The following PDE2A variants were observed in gnomAD, a reference collection of about 807,000 sequenced individuals.
The protein encoded by PDE2A is cGMP-dependent 3',5'-cyclic phosphodiesterase.
PDE2A carries 53 observed loss-of-function variants against 133.6 expected under a neutral mutation model. The observed-to-expected ratio is 0.40, with a 90% CI of 0.32 to 0.50. The LOEUF is 0.50. PDE2A is among the 20% of genes least tolerant of loss of function. The pLI, the probability that PDE2A is intolerant of heterozygous loss-of-function variation, is 0.73. For synonymous variants in PDE2A, 491 were observed against 490.2 expected, an observed-to-expected ratio of 1.00 and a Z score of -0.02; for missense variants, 796 against 1,232.4, an observed-to-expected ratio of 0.65 and a Z score of 5.30.
chr11:72,614,213 T>C (rs1857352923), intron 2 of PDE2A, among the ~76,000 whole-genome samples: 1 of 152,180 alleles, frequency 6.6e-6, no homozygotes, highest in Non-Finnish European at 1.5e-5. Context: ...TCAAAGACAC[T>C]GGTGCCTTGG....
At chr11:72,608,294 A>C (rs142702410) in intron 3 of PDE2A, among the ~76,000 whole-genome samples, 290 of 152,270 alleles carry the variant, frequency 1.9e-3, no homozygotes, top group African/African-American at 6.5e-3. Context: ...GTTCTTCTAC[A>C]TGTCTACCCT....
At chr11:72,629,261 C>T (rs1217269636) in intron 2 of PDE2A, among the ~76,000 whole-genome samples, 2 of 151,372 alleles carry the variant, frequency 1.3e-5, no homozygotes, top group African/African-American at 4.9e-5. Flanking sequence ...CTGCAGAGGG[C>T]AGGCAGATGG....
At chr11:72,582,943 A>G (rs1339443494) in intron 20 of PDE2A, among the ~76,000 whole-genome samples, 1 of 152,196 alleles carries the variant, frequency 6.6e-6, no homozygotes, top group African/African-American at 2.4e-5. Flanking sequence ...CCAACTCACA[A>G]GGTCTGGGCC....
intron 2 of PDE2A, among the ~76,000 whole-genome samples, chr11:72,636,995 G>A (rs56133505): frequency 0.4 from 60,349 of 152,014 alleles, 13,923 homozygotes; most frequent in Middle Eastern, 0.6. Context: ...CCAGCCGGCT[G>A]GCACCCAGGG....
chr11:72,610,115 C>G (rs562805206), intron 2 of PDE2A, among the ~76,000 whole-genome samples: 2 of 152,266 alleles, frequency 1.3e-5, no homozygotes, highest in East Asian at 3.9e-4. Flanking sequence ...GTGACTAAGA[C>G]TGGATAACCC....
In PDE2A at chr11:72,590,470, C is replaced by T. The variant is rs752700975; in HGVS notation, c.660G>A (p.Gly220=). ...PEGTAEDQKG[G]AAYTDRDRKI... is the part of the protein sequence containing the mutation. Reference sequence around the variant, plus strand: ...TGCGGTCGCGGTCGGTGTACGCCGCCCCGCCCTTCTGGTCTTCCGCCGTCC... The same window carrying T: ...TGCGGTCGCGGTCGGTGTACGCCGCTCCGCCCTTCTGGTCTTCCGCCGTCC... Residue 220 remains glycine (G), a synonymous_variant, in exon 8 of 31, where the codon GGG becomes GGA. Coordinates refer to ENST00000334456, the MANE Select transcript of PDE2A (RefSeq NM_002599.5). This position sits in a 1 kb window ranked among gnomAD's most constrained non-coding sequence, Gnocchi z 4.8. The T allele has an allele frequency of 2.6e-6, 4 of 1,541,200 alleles. No individual in the cohort carries two copies. Among genetic ancestry groups the T allele is most frequent in the Non-Finnish European group, 3.5e-6 (4 of 1,146,806 alleles).
intron 1 of PDE2A, among the ~76,000 whole-genome samples, chr11:72,648,935 G>A (rs1336058061): frequency 6.6e-6 from 1 of 152,150 alleles, no homozygotes; most frequent in East Asian, 1.9e-4. Context: ...GGCACAGGTG[G>A]CCACGCCTGC....
At chr11:72,615,226 C>A (rs149019652) in intron 2 of PDE2A, 3 of 347,708 alleles carry the variant, frequency 8.6e-6, no homozygotes, top group Non-Finnish European at 2.0e-5. Flanking sequence ...CAACCAGCTC[C>A]GCCCCGGCCT....
intron 6 of PDE2A, 105 bp downstream of exon 6, chr11:72,596,470 TCTCTCTCTCTCTCTCACA>T: frequency 4.9e-6 from 1 of 205,538 alleles, no homozygotes; most frequent in Non-Finnish European, 8.7e-6. Context: ...TCTCTCTCTC[TCTCTCTCTCTCTCTCACA>T]CACACACACA....
chr11:72,583,620 C>T (rs1375371703), intron 19 of PDE2A, 105 bp from the exon 20 acceptor site: 1 of 763,946 alleles, frequency 1.3e-6, no homozygotes, highest in East Asian at 2.4e-5. Flanking sequence ...ACTTCCTGTC[C>T]CATTCTGGCC....
chr11:72,577,990 C>T (rs1376645412), intron 30 of PDE2A, among the ~76,000 whole-genome samples: 2 of 152,136 alleles, frequency 1.3e-5, no homozygotes, highest in Non-Finnish European at 2.9e-5. Flanking sequence ...CAAGAACTTC[C>T]ACAAGAATGT....
rs1464085042 is a variant in PDE2A at position 72,597,063 on chromosome 11, T to C, written c.434-415A>G. Among the ~76,000 whole-genome samples the C allele has an allele frequency of 6.6e-6, 1 of 151,608 alleles. No individual in the cohort carries two copies. Among genetic ancestry groups the C allele is most frequent in the Non-Finnish European group, 1.5e-5 (1 of 67,910 alleles). On this transcript the variant is annotated intron_variant, in intron 5 of 30. Coordinates refer to ENST00000334456, the MANE Select transcript of PDE2A (RefSeq NM_002599.5). This position sits in a 1 kb window ranked among gnomAD's most constrained non-coding sequence, Gnocchi z 4.6. ...ACAGAGGACAGAGACCTAGAGAGAC[T>C]GAGACACGAGGCAGAGAGGGACATG...
rs1856102685 is a variant in PDE2A, at chr11:72,588,930, A to G, written c.940-16T>C. 10 of 1,592,732 alleles carry G rather than the reference A, an allele frequency of 6.3e-6. No homozygotes were observed. Among genetic ancestry groups the G allele is most frequent in the Non-Finnish European group, 8.6e-6 (10 of 1,165,126 alleles). ...GTACATCCTCCTGCAAAGGCGAGGC[A>G]AGTCAGGGCAGGGAAGCAGGGCGCA... On this transcript the variant is annotated splice_polypyrimidine_tract_variant and intron_variant, in intron 12 of 30. Transcript: ENST00000334456.
Position 72,581,906 on chromosome 11 carries a change from G to A in PDE2A, c.1893C>T (p.Asn631=), listed in dbSNP as rs1470467304. 3 of 1,613,932 alleles carry A rather than the reference G, an allele frequency of 1.9e-6. No homozygotes were observed. Among genetic ancestry groups the A allele is most frequent in the Non-Finnish European group, 2.5e-6 (3 of 1,179,986 alleles). The part of the protein sequence containing the change: ...SMLQDMNFIN[N]YKIDCPTLAR... Reference sequence around the variant, plus strand: ...CCAGGGTCGGGCAGTCAATTTTGTAGTTGTTGATGAAATTCATGTCCTGCA... The same window carrying A: ...CCAGGGTCGGGCAGTCAATTTTGTAATTGTTGATGAAATTCATGTCCTGCA... The change falls in exon 22 of 31, where the codon AAC becomes AAT. Residue 631 remains asparagine (N), a synonymous_variant. Coordinates refer to ENST00000334456, the MANE Select transcript of PDE2A (RefSeq NM_002599.5).
chr11:72,579,016 AG>A lies in PDE2A; in HGVS notation c.2357-8del. On this transcript the variant is annotated splice_polypyrimidine_tract_variant and splice_region_variant and intron_variant, in intron 27 of 30. Transcript: ENST00000334456. ...TTGTTTCGGTCGTAGCCCACTGTTGAGGGGAGGATGGGGTCAAGGAGCGGGG... is the reference window on the plus strand; with the variant it reads ...TTGTTTCGGTCGTAGCCCACTGTTGAGGGAGGATGGGGTCAAGGAGCGGGG... The A allele has an allele frequency of 1.3e-6, 2 of 1,596,210 alleles. No individual in the cohort carries two copies. Among genetic ancestry groups the A allele is most frequent in the African/African-American group, 1.3e-5 (1 of 74,638 alleles).
At chr11:72,645,244 A>G (rs1565190489) in intron 1 of PDE2A, among the ~76,000 whole-genome samples, 1 of 152,194 alleles carries the variant, frequency 6.6e-6, no homozygotes, top group Non-Finnish European at 1.5e-5. Flanking sequence ...TGAGCAGGCC[A>G]CAGCACCTCT....
chr11:72,629,251 C>G (rs939622633), intron 2 of PDE2A, among the ~76,000 whole-genome samples: 4 of 150,460 alleles, frequency 2.7e-5, no homozygotes, highest in Non-Finnish European at 5.9e-5. Flanking sequence ...GAACTTGAAC[C>G]TGCAGAGGGC....
intron 2 of PDE2A, among the ~76,000 whole-genome samples, chr11:72,639,023 G>A (rs1262889116): frequency 2.0e-5 from 3 of 152,146 alleles, no homozygotes; most frequent in Admixed American, 1.3e-4. Context: ...GTGACACTGC[G>A]GCATCGACCC....
At chr11:72,642,450 T>A in intron 1 of PDE2A, 124 bp from the exon 2 acceptor site, 1 of 1,101,750 alleles carries the variant, frequency 9.1e-7, no homozygotes, top group Non-Finnish European at 1.1e-6. Flanking sequence ...CTTCGCCTGG[T>A]CCGCCCGAGT....
Sources: allele counts gnomAD v4.1 joint callset (sites outside exome capture counted in the v4.1 genomes callset), GRCh38; gene constraint gnomAD v4.1.1; non-coding constraint Gnocchi (gnomAD v3.1); transcripts MANE v1.5; gene names NCBI Gene and HGNC (gene_info 2026-07-23, HGNC 2026-07-21).